The following MAJIN variants were observed in gnomAD, a reference collection of about 807,000 sequenced individuals.
MAJIN encodes membrane-anchored junction protein.
Under a neutral mutation model 30.2 loss-of-function variants are expected in MAJIN, and 27 were observed. The observed-to-expected ratio is 0.89, with a 90% CI of 0.66 to 1.23. MAJIN has a LOEUF of 1.23. MAJIN is among the 50% of genes most tolerant of loss of function. MAJIN has a pLI of 0.00. For synonymous variants in MAJIN, 78 were observed against 91.6 expected, an observed-to-expected ratio of 0.85 and a Z score of 0.85; for missense variants, 253 against 260.3, an observed-to-expected ratio of 0.97 and a Z score of 0.19.
chr11:64,959,196 T>C (rs1413926657), intron 3 of MAJIN, 109 bp downstream of exon 3: 2 of 726,910 alleles, frequency 2.8e-6, no homozygotes, highest in Non-Finnish European at 4.6e-6. Flanking sequence ...TGCAAGATGC[T>C]ACTTTACCAG....
At chr11:64,948,662 T>A (rs1413467210) in intron 6 of MAJIN, among the ~76,000 whole-genome samples, 2 of 84,312 alleles carry the variant, frequency 2.4e-5, no homozygotes, top group Admixed American at 2.6e-4. Flanking sequence ...TTTTTTTTTT[T>A]TTTTTTTTTT....
chr11:64,944,295 T>G (rs75437741), intron 8 of MAJIN, among the ~76,000 whole-genome samples: 5,186 of 152,346 alleles, frequency 0.034, 137 homozygotes, highest in Middle Eastern at 0.061. Context: ...TTTAAGCTAC[T>G]CTGAGAATCC....
At chr11:64,951,925 G>A (rs1203369201) in intron 4 of MAJIN, among the ~76,000 whole-genome samples, 1 of 152,104 alleles carries the variant, frequency 6.6e-6, no homozygotes, top group African/African-American at 2.4e-5. Flanking sequence ...ATCTCGTTGT[G>A]TCACCCAGGC....
At chr11:64,947,923 G>A (rs904574393) in intron 6 of MAJIN, 104 bp from the exon 7 acceptor site, 5 of 1,061,072 alleles carry the variant, frequency 4.7e-6, no homozygotes, top group Admixed American at 2.2e-5. Flanking sequence ...GCAGTGGTGC[G>A]ATCTCGGCTC....
chr11:64,965,123 A>G (rs1005246614), intron 1 of MAJIN, among the ~76,000 whole-genome samples: 1 of 152,240 alleles, frequency 6.6e-6, no homozygotes, highest in Non-Finnish European at 1.5e-5. Flanking sequence ...GACTAATGAC[A>G]TAAGACTACC....
At chr11:64,965,443 C>T (rs943421517) in intron 1 of MAJIN, among the ~76,000 whole-genome samples, 17 of 152,148 alleles carry the variant, frequency 1.1e-4, no homozygotes, top group Admixed American at 2.6e-4. Flanking sequence ...AACTTAGTTT[C>T]TCTTTGTTAC....
intron 8 of MAJIN, among the ~76,000 whole-genome samples, chr11:64,944,417 T>C (rs1246079513): frequency 6.6e-6 from 1 of 152,244 alleles, no homozygotes; most frequent in Non-Finnish European, 1.5e-5. Flanking sequence ...GGTGTATCCC[T>C]GGTACTTGGC....
At chr11:64,961,995 C>T (rs1342689127) in intron 1 of MAJIN, among the ~76,000 whole-genome samples, 3 of 151,972 alleles carry the variant, frequency 2.0e-5, no homozygotes, top group African/African-American at 7.3e-5. Flanking sequence ...CTATGTTGCC[C>T]AGGCTAGTCT....
intron 1 of MAJIN, among the ~76,000 whole-genome samples, chr11:64,966,867 G>C (rs1945818713): frequency 6.6e-6 from 1 of 150,662 alleles, no homozygotes; most frequent in Non-Finnish European, 1.5e-5. Context: ...CCGGGAGATG[G>C]AGGTTGTAGT....
intron 8 of MAJIN, among the ~76,000 whole-genome samples, chr11:64,943,915 G>A (rs559672587): frequency 1.2e-4 from 18 of 152,346 alleles, no homozygotes; most frequent in Admixed American, 7.2e-4. Flanking sequence ...AAGGATGGGA[G>A]GCATAGAAGG....
chr11:64,948,076 G>A (rs1945479372), intron 6 of MAJIN, among the ~76,000 whole-genome samples: 1 of 151,900 alleles, frequency 6.6e-6, no homozygotes, highest in Non-Finnish European at 1.5e-5. Flanking sequence ...GGCCAGGTTG[G>A]TCTCAAACTC....
chr11:64,958,687 G>A (rs1338103833), intron 3 of MAJIN, among the ~76,000 whole-genome samples: 1 of 151,396 alleles, frequency 6.6e-6, no homozygotes, highest in Non-Finnish European at 1.5e-5. Flanking sequence ...CTCACTCTGT[G>A]GCCCAGGCTG....
At chr11:64,948,958 C>G (rs1945506112) in intron 6 of MAJIN, among the ~76,000 whole-genome samples, 1 of 150,450 alleles carries the variant, frequency 6.6e-6, no homozygotes, top group Admixed American at 6.6e-5. Flanking sequence ...CCAGCCTGCA[C>G]CCCTTTTCAA....
At chr11:64,963,185 C>A (rs1299513071) in intron 1 of MAJIN, among the ~76,000 whole-genome samples, 1 of 152,134 alleles carries the variant, frequency 6.6e-6, no homozygotes, top group Non-Finnish European at 1.5e-5. Context: ...GAAATCAATT[C>A]TTGAGACAGC....
chr11:64,947,659 GT>G, intron 7 of MAJIN, 128 bp downstream of exon 7: 1 of 1,116,326 alleles, frequency 9.0e-7, no homozygotes, highest in Non-Finnish European at 1.3e-6. Context: ...ATGGTCTTAT[GT>G]TTACAATTCT....
rs1945687591 is a variant in MAJIN, at chr11:64,959,364, C to A, written c.42G>T (p.Arg14Ser). 3 of 1,613,936 alleles carry A rather than the reference C, an allele frequency of 1.9e-6. No homozygotes were observed. Among genetic ancestry groups the A allele is most frequent in the Non-Finnish European group, 2.5e-6 (3 of 1,179,966 alleles). The change falls in exon 3 of 11, where the codon AGG becomes AGT. Residue 14 changes from arginine (R) to serine (S), a missense_variant. Physicochemically the swap from Arg to Ser is moderately radical, Grantham distance 110 (BLOSUM62 -1). Coordinates refer to ENST00000301896, the MANE Select transcript of MAJIN (RefSeq NM_001037225.3). ...KPFTYPFPET[R>S]FLHAGPNVYK... ...ACACATTGGGTCCTGCATGAAGAAA[C>A]CTCGTCTCTGGAAACGGGTAGGTAA...
chr11:64,954,652 A>G, intron 4 of MAJIN, 105 bp downstream of exon 4: 1 of 1,126,988 alleles, frequency 8.9e-7, no homozygotes, highest in Non-Finnish European at 1.4e-6. Context: ...AAGCCAAGTT[A>G]TCAAGTGGAG....
chr11:64,944,292 T>C (rs1317745924), intron 8 of MAJIN, among the ~76,000 whole-genome samples: 2 of 152,252 alleles, frequency 1.3e-5, no homozygotes, highest in Non-Finnish European at 2.9e-5. Flanking sequence ...GACTTTAAGC[T>C]ACTCTGAGAA....
chr11:64,938,419 C>G lies in MAJIN; in HGVS notation c.*156G>C. 1 of 1,292,786 alleles carries G rather than the reference C, an allele frequency of 7.7e-7. No individual in the cohort carries two copies. Among genetic ancestry groups the G allele is most frequent in the Non-Finnish European group, 1.1e-6 (1 of 928,682 alleles). 80.1% of individuals were successfully genotyped at this position (1,292,786 alleles called of 1,614,324 possible). ...GAGGACTCAGCATGGGGACCTCATT[C>G]CCCACGACTGAAGTGTCATAAGAAA... On this transcript the variant is annotated 3_prime_UTR_variant, in exon 11 of 11. Transcript: ENST00000301896.
Sources: gnomAD v4.1 joint callset for allele counts (sites outside exome capture counted in the v4.1 genomes callset) on GRCh38, gnomAD v4.1.1 for gene constraint, MANE v1.5 for transcripts, NCBI Gene and HGNC (gene_info 2026-07-23, HGNC 2026-07-21) for gene names.